The following SORCS1 variants were observed in gnomAD, a reference collection of about 807,000 sequenced individuals.
The protein encoded by SORCS1 is VPS10 domain-containing receptor SorCS1.
In SORCS1, 60 loss-of-function variants were observed where a neutral mutation model predicts 146.1. That is an observed-to-expected ratio of 0.41 (90% CI 0.33 to 0.51). The LOEUF (loss-of-function observed/expected upper bound fraction) is 0.51, where lower values mean the gene tolerates loss of function less well. Ranked by LOEUF, SORCS1 falls within the 20% of genes least tolerant of loss-of-function variation. The pLI is 0.21. For synonymous variants in SORCS1, 637 were observed against 584.0 expected (o/e 1.09, Z -1.31); for missense variants, 1,352 against 1,487.6 (o/e 0.91, Z 1.50).
chr10:106,591,940 G>T lies in SORCS1; in HGVS notation c.3265+5411C>A, dbSNP rs75546425. ...GACGTACACTTTGGTCAAGACAGCA[G>T]TGCTTCCAGTCTAACACTAGCTTGA... is the stretch of plus-strand genomic sequence containing the variant. On this transcript the variant is annotated intron_variant, in intron 24 of 25. Transcript: ENST00000263054. 2.4e-3 allele frequency among the ~76,000 whole-genome samples: 362 copies of T among 152,306 alleles called. 3 individuals carry two copies. The highest frequency in any genetic ancestry group is 8.3e-3 in the African/African-American group (345 of 41,570).
chr10:107,049,346 C>A (rs1365323311), intron 1 of SORCS1, among the ~76,000 whole-genome samples: 2 of 150,710 alleles, frequency 1.3e-5, no homozygotes, highest in South Asian at 2.1e-4. Context: ...GTGCAGCACA[C>A]CAGCATGGCA....
At chr10:106,629,477 T>A in intron 18 of SORCS1, 89 bp from the exon 19 acceptor site, 1 of 1,389,678 alleles carries the variant, frequency 7.2e-7, no homozygotes, top group Non-Finnish European at 9.9e-7. Context: ...TCCTAGTCCC[T>A]GGCTCAGGCA....
rs572523238 is a variant in SORCS1 at position 106,851,695 on chromosome 10, A to G, written c.627-22022T>C. On this transcript the variant is annotated intron_variant, in intron 2 of 25. Transcript: ENST00000263054. Reference sequence around the variant, plus strand: ...CAGTTGACTATTCTGGGTCTCCTACATCTCCATATAAACTTTAGAATTATT... The same window carrying G: ...CAGTTGACTATTCTGGGTCTCCTACGTCTCCATATAAACTTTAGAATTATT... Among the ~76,000 whole-genome samples, 8 of 152,332 alleles carry G rather than the reference A, an allele frequency of 5.3e-5. No homozygotes were observed. The South Asian group carries it at 8.3e-4, about 16-fold the overall frequency.
chr10:107,070,832 C>G (rs2134178235), intron 1 of SORCS1, among the ~76,000 whole-genome samples: 1 of 152,098 alleles, frequency 6.6e-6, no homozygotes, highest in African/African-American at 2.4e-5. Flanking sequence ...TACACAGACA[C>G]ACACATACAT....
intron 2 of SORCS1, among the ~76,000 whole-genome samples, chr10:106,862,526 A>C (rs1589578482): frequency 6.6e-6 from 1 of 152,224 alleles, no homozygotes; most frequent in Non-Finnish European, 1.5e-5. Flanking sequence ...TTTACGCCCA[A>C]GTTAGTCCTC....
At chr10:106,906,685 G>T (rs1951921759) in intron 2 of SORCS1, among the ~76,000 whole-genome samples, 1 of 152,198 alleles carries the variant, frequency 6.6e-6, no homozygotes, top group Non-Finnish European at 1.5e-5. Flanking sequence ...TACAATTCCA[G>T]TTGGGATCTG....
intron 19 of SORCS1, among the ~76,000 whole-genome samples, chr10:106,628,513 A>T (rs1267799859): frequency 6.6e-6 from 1 of 152,222 alleles, no homozygotes; most frequent in Non-Finnish European, 1.5e-5. Context: ...TGTTAATGAC[A>T]CATGTTTTAA....
At chr10:106,725,948 A>T (rs1301158030) in intron 6 of SORCS1, among the ~76,000 whole-genome samples, 3 of 150,182 alleles carry the variant, frequency 2.0e-5, no homozygotes, top group Non-Finnish European at 4.4e-5. Context: ...AAAAAAAAAA[A>T]AAATAGGAAA....
chr10:106,621,521 C>T (rs1184008630), intron 19 of SORCS1, among the ~76,000 whole-genome samples: 2 of 151,690 alleles, frequency 1.3e-5, no homozygotes, highest in Non-Finnish European at 2.9e-5. Flanking sequence ...TACTAGGCAA[C>T]ACCATCCACA....
Position 106,629,376 on chromosome 10 carries a change from G to A in SORCS1, c.2488C>T (p.Arg830Trp), listed in dbSNP as rs372413848. 9.3e-6 allele frequency: 15 copies of A among 1,613,932 alleles called. No homozygotes were observed. Among genetic ancestry groups the A allele is most frequent in the African/African-American group, 5.3e-5 (4 of 75,028 alleles). ...MVQLEEGDVQ[R>W]TLIQVDFGDG... ...CCAAAGTCCACTTGGATGAGTGTCC[G>A]CTGAACATCACCCTGAAAAACAACC... is the stretch of plus-strand genomic sequence containing the variant. The change falls in exon 19 of 26, where the codon CGG becomes TGG. Residue 830 changes from arginine (R) to tryptophan (W), a missense_variant. Arg to Trp is a moderately radical substitution (Grantham distance 101). Around this residue, in one of 3 missense-constraint regions of SORCS1, gnomAD observed 648 missense variants for 793.8 expected, o/e 0.82. Coordinates refer to ENST00000263054, the MANE Select transcript of SORCS1 (RefSeq NM_052918.5).
chr10:106,664,757 TCAGCC>T (rs1851001489), intron 17 of SORCS1, among the ~76,000 whole-genome samples: 1 of 152,182 alleles, frequency 6.6e-6, no homozygotes, highest in Non-Finnish European at 1.5e-5. Context: ...CCTCTGTGTT[TCAGCC>T]TCCTATCATC....
chr10:107,154,780 A>T (rs559649951), intron 1 of SORCS1, among the ~76,000 whole-genome samples: 1 of 152,356 alleles, frequency 6.6e-6, no homozygotes, highest in African/African-American at 2.4e-5. Flanking sequence ...CTGTAATAAC[A>T]GCTAACCCTT....
chr10:107,036,885 G>C (rs1030812818), intron 1 of SORCS1, among the ~76,000 whole-genome samples: 1 of 152,132 alleles, frequency 6.6e-6, no homozygotes, highest in Admixed American at 6.5e-5. Context: ...CCTCCTTATC[G>C]TTCAGGCTTC....
At chr10:106,624,576 G>C (rs1847972963) in intron 19 of SORCS1, among the ~76,000 whole-genome samples, 1 of 151,816 alleles carries the variant, frequency 6.6e-6, no homozygotes, top group Non-Finnish European at 1.5e-5. Context: ...GGCCAGGCTG[G>C]TCTCGAATTT....
rs1844772300 is a variant in SORCS1, at chr10:106,579,463, C to T, written c.3277G>A (p.Asp1093Asn). Reference sequence around the variant, plus strand: ...GATCCACTGTGGGTTGGAGTGAGGTCCACCAGGGGGGCTTGTGGGGGAAAC... The same window carrying T: ...GATCCACTGTGGGTTGGAGTGAGGTTCACCAGGGGGGCTTGTGGGGGAAAC... ...AAHLTAAPLV[D>N]LTPTHSGSAM... Residue 1093 changes from aspartate to asparagine, a missense_variant, in exon 25 of 26, where the codon GAC (aspartate) becomes AAC (asparagine). Coordinates refer to ENST00000263054, the MANE Select transcript of SORCS1 (RefSeq NM_052918.5). 3 of 1,613,654 alleles carry T rather than the reference C, an allele frequency of 1.9e-6. No homozygotes were observed. The highest frequency in any genetic ancestry group is 2.5e-6 in the Non-Finnish European group (3 of 1,179,890).
intron 1 of SORCS1, among the ~76,000 whole-genome samples, chr10:107,016,145 T>A (rs78855053): frequency 0.024 from 3,627 of 152,218 alleles, 112 homozygotes; most frequent in African/African-American, 0.074. Context: ...TATGGAAGAA[T>A]AGACAAATTG....
At chr10:106,969,500 A>G (rs563297351) in intron 1 of SORCS1, among the ~76,000 whole-genome samples, 22 of 152,328 alleles carry the variant, frequency 1.4e-4, no homozygotes, top group African/African-American at 5.1e-4. Context: ...GAGATGGAAG[A>G]GTTGAAAGAA....
intron 1 of SORCS1, among the ~76,000 whole-genome samples, chr10:106,976,939 T>C (rs1247020569): frequency 1.3e-5 from 2 of 152,214 alleles, no homozygotes; most frequent in Admixed American, 6.5e-5. Context: ...CAGTCAATCA[T>C]TGATGGGCAT....
At position 107,157,611 on chromosome 10, in the gene SORCS1, T is replaced by C. The variant is rs114235678; in HGVS notation, c.558+6358A>G. 3.3e-5 allele frequency among the ~76,000 whole-genome samples: 5 copies of C among 152,374 alleles called. No individual in the cohort carries two copies. The East Asian group carries it at 7.7e-4, about 23-fold the overall frequency. The stretch of plus-strand genomic sequence containing the variant: ...ATAGAAATAGACACAATATCTTTCA[T>C]ATGTGTGTAAAATCTCACATAGGAT... On this transcript the variant is annotated intron_variant, in intron 1 of 25. Coordinates refer to ENST00000263054, the MANE Select transcript of SORCS1 (RefSeq NM_052918.5).
Sources: gnomAD v4.1 joint callset for allele counts (sites outside exome capture counted in the v4.1 genomes callset) on GRCh38, gnomAD v4.1.1 for gene constraint, gnomAD v4.1.1 regional missense constraint, MANE v1.5 for transcripts, NCBI Gene and HGNC (gene_info 2026-07-23, HGNC 2026-07-21) for gene names.